DYNC2H1: variants seen among roughly 807,000 people sequenced by gnomAD.
DYNC2H1 encodes dynein cytoplasmic 2 heavy chain 1.
DYNC2H1 carries 410 observed loss-of-function variants against 570.0 expected under a neutral mutation model. That is an observed-to-expected ratio of 0.72 (90% CI 0.66 to 0.78). DYNC2H1 has a LOEUF of 0.78. Among genes scored for constraint, DYNC2H1 ranks in the 30% least tolerant of loss-of-function variants. The probability of loss-of-function intolerance (pLI) is 0.00; values close to 1 mark genes in which losing one functional copy is unlikely to be tolerated. For synonymous variants in DYNC2H1, 1,688 were observed against 1,677.6 expected (o/e 1.01, Z -0.15); for missense variants, 4,865 against 5,046.4 (o/e 0.96, Z 1.09).
At chr11:103,197,279 A>T (rs1012722927) in intron 47 of DYNC2H1, among the ~76,000 whole-genome samples, 1 of 151,978 alleles carries the variant, frequency 6.6e-6, no homozygotes, top group African/African-American at 2.4e-5. Flanking sequence ...TAGAAGGAGG[A>T]AAATGGGACA....
intron 17 of DYNC2H1, among the ~76,000 whole-genome samples, chr11:103,138,791 C>T (rs11493843): frequency 0.32 from 48,377 of 151,828 alleles, 8,712 homozygotes; most frequent in Admixed American, 0.47. Context: ...AGGAATGGTA[C>T]CAGTTCCTCC....
intron 84 of DYNC2H1, among the ~76,000 whole-genome samples, chr11:103,435,622 T>C (rs1307343611): frequency 6.6e-6 from 1 of 152,162 alleles, no homozygotes; most frequent in Non-Finnish European, 1.5e-5. Flanking sequence ...TTTTAATCTT[T>C]ACCACTTATA....
chr11:103,143,158 A>C, intron 17 of DYNC2H1, 110 bp from the exon 18 acceptor site: 6 of 1,020,620 alleles, frequency 5.9e-6, no homozygotes, highest in Non-Finnish European at 8.6e-6. Context: ...ACACTTGAAT[A>C]CCTCATATTT....
chr11:103,348,059 T>C (rs763404190), intron 82 of DYNC2H1, among the ~76,000 whole-genome samples: 5 of 152,178 alleles, frequency 3.3e-5, no homozygotes, highest in Non-Finnish European at 7.4e-5. Context: ...TGATGAAAAA[T>C]GTTTATTATT....
At chr11:103,127,151 A>G (rs562226453) in intron 12 of DYNC2H1, among the ~76,000 whole-genome samples, 93 of 152,288 alleles carry the variant, frequency 6.1e-4, no homozygotes, top group African/African-American at 2.2e-3. Flanking sequence ...TCTCAAGTAC[A>G]CAGAGGGTTG....
At chr11:103,358,492 C>A (rs994871197) in intron 83 of DYNC2H1, 133 bp downstream of exon 83, 4 of 578,384 alleles carry the variant, frequency 6.9e-6, no homozygotes, top group African/African-American at 1.9e-5. Flanking sequence ...TGGCCCATGA[C>A]CTCCTTTCTT....
At chr11:103,401,176 A>G (rs568430442) in intron 84 of DYNC2H1, among the ~76,000 whole-genome samples, 2 of 152,226 alleles carry the variant, frequency 1.3e-5, no homozygotes, top group Non-Finnish European at 2.9e-5. Context: ...GGGGTGTTAC[A>G]TAACCAGAAT....
At chr11:103,211,714 T>A (rs1024170660) in intron 53 of DYNC2H1, 75 bp from the exon 54 acceptor site, 3 of 592,816 alleles carry the variant, frequency 5.1e-6, no homozygotes, top group Non-Finnish European at 8.1e-6. Flanking sequence ...AAAATAACTA[T>A]CATTAGGATA....
chr11:103,403,924 C>T (rs983915133), intron 84 of DYNC2H1: 3 of 151,832 alleles, frequency 2.0e-5, no homozygotes, highest in South Asian at 2.1e-4. Flanking sequence ...TTATAGAATA[C>T]GTAGGGATGG....
At chr11:103,337,780 T>C (rs767011297) in intron 82 of DYNC2H1, among the ~76,000 whole-genome samples, 2 of 152,222 alleles carry the variant, frequency 1.3e-5, no homozygotes, top group Non-Finnish European at 2.9e-5. Flanking sequence ...ATTCTTGTCA[T>C]TAATCTCTTG....
At chr11:103,419,209 T>A (rs1943393845) in intron 84 of DYNC2H1, among the ~76,000 whole-genome samples, 1 of 152,204 alleles carries the variant, frequency 6.6e-6, no homozygotes, top group Non-Finnish European at 1.5e-5. Context: ...TCCAGCCTGC[T>A]GGCTTGGGAG....
At chr11:103,477,466 A>G (rs1253058665) in intron 88 of DYNC2H1, among the ~76,000 whole-genome samples, 1 of 152,230 alleles carries the variant, frequency 6.6e-6, no homozygotes, top group Non-Finnish European at 1.5e-5. Context: ...AAATACAATT[A>G]TGAACTCATG....
chr11:103,116,617 G>C lies in DYNC2H1; in HGVS notation c.669G>C (p.Leu223Phe), dbSNP rs1163702917. The C allele has an allele frequency of 6.2e-7, 1 of 1,608,274 alleles. No individual in the cohort carries two copies. The highest frequency in any genetic ancestry group is 8.5e-7 in the Non-Finnish European group (1 of 1,176,784). ...DSLSLLEVVD[L>F]VETTQDVVDD... is the part of the protein sequence containing the mutation. ...TATCCTTACTAGAAGTTGTTGACTT[G>C]GTGGAGACTACTCAGGATGTTGTAG... is the stretch of plus-strand genomic sequence containing the variant. The change falls in exon 5 of 89, where the codon TTG becomes TTC. Residue 223 changes from leucine (L) to phenylalanine (F), a missense_variant. By Grantham distance (22) the Leu-to-Phe change is conservative. Around this residue, in one of 5 missense-constraint regions of DYNC2H1, gnomAD observed 1,936 missense variants for 1,962.1 expected, o/e 0.99. Transcript: ENST00000375735.
chr11:103,127,024 T>TG (rs1224145158), intron 12 of DYNC2H1, among the ~76,000 whole-genome samples: 1 of 152,182 alleles, frequency 6.6e-6, no homozygotes, highest in East Asian at 1.9e-4. Flanking sequence ...GGAAGTCTTG[T>TG]GAAAGCATAG....
chr11:103,218,941 G>T (rs572544160), intron 55 of DYNC2H1, among the ~76,000 whole-genome samples: 123 of 152,254 alleles, frequency 8.1e-4, no homozygotes, highest in Non-Finnish European at 1.4e-3. Flanking sequence ...TGCAATTCTA[G>T]GTTAATGGCA....
chr11:103,236,274 C>CT (rs1339413837), intron 62 of DYNC2H1, among the ~76,000 whole-genome samples, 156 bp from the exon 63 acceptor site: 1 of 151,834 alleles, frequency 6.6e-6, no homozygotes, highest in Non-Finnish European at 1.5e-5. Flanking sequence ...TTGTTTTAGA[C>CT]TTTTTTCTCC....
At chr11:103,365,667 A>G (rs967720517) in intron 83 of DYNC2H1, among the ~76,000 whole-genome samples, 1 of 152,244 alleles carries the variant, frequency 6.6e-6, no homozygotes, top group African/African-American at 2.4e-5. Context: ...AAAGCTAAGT[A>G]GATATAGCAC....
Position 103,375,230 on chromosome 11 carries a change from C to A in DYNC2H1, c.12156+16871C>A, listed in dbSNP as rs530594562. Among the ~76,000 whole-genome samples the A allele has an allele frequency of 5.3e-5, 8 of 152,282 alleles. No homozygotes were observed. In the East Asian group the frequency reaches 1.5e-3, roughly 29 times the overall value. ...AAGAATTGAGGTTTGGAGACCTCTG[C>A]CTAGATTTCAGAGGGTGTATGGTAA... is the stretch of plus-strand genomic sequence containing the variant. On this transcript the variant is annotated intron_variant, in intron 83 of 88. Coordinates refer to ENST00000375735, the MANE Select transcript of DYNC2H1 (RefSeq NM_001377.3).
In DYNC2H1 at chr11:103,465,408, A is replaced by G. The variant is rs1426493962; in HGVS notation, c.12649-3181A>G. On this transcript the variant is annotated intron_variant, in intron 87 of 88. Transcript: ENST00000375735. This position sits in a 1 kb window ranked among gnomAD's most constrained non-coding sequence, Gnocchi z 4.9. The stretch of plus-strand genomic sequence containing the variant: ...AAAAATGTCAGACTTTCCAAAATCA[A>G]ATTTTAAAATTTAATGCAATTTCAA... Among the ~76,000 whole-genome samples, 1 of 152,178 alleles carries G rather than the reference A, an allele frequency of 6.6e-6. No homozygotes were observed. The highest frequency in any genetic ancestry group is 1.9e-4 in the East Asian group (1 of 5,196).
Sources: gnomAD v4.1 joint callset for allele counts (sites outside exome capture counted in the v4.1 genomes callset) on GRCh38, gnomAD v4.1.1 for gene constraint, gnomAD v4.1.1 regional missense constraint, Gnocchi (gnomAD v3.1) non-coding constraint, MANE v1.5 for transcripts, NCBI Gene and HGNC (gene_info 2026-07-23, HGNC 2026-07-21) for gene names.